The following MCUB variants were observed in gnomAD, a reference collection of about 807,000 sequenced individuals.
MCUB encodes the protein calcium uniporter regulatory subunit MCUb, mitochondrial.
In MCUB, 46 loss-of-function variants were observed where a neutral mutation model predicts 41.4. That is an observed-to-expected ratio of 1.11 (90% CI 0.88 to 1.42). MCUB has a LOEUF of 1.42. MCUB is among the 40% of genes most tolerant of loss of function. The pLI is 0.00. For missense variants in MCUB, 403 were observed against 404.9 expected (o/e 1.00, Z 0.04); for synonymous variants, 148 against 148.2 (o/e 1.00, Z 0.01).
At chr4:109,617,051 AACC>A (rs10610533) in intron 1 of MCUB, among the ~76,000 whole-genome samples, 37,175 of 151,892 alleles carry the variant, frequency 0.24, 4,718 homozygotes, top group South Asian at 0.27. Context: ...TCTTTGTCCT[AACC>A]ATATTGTTGT....
intron 1 of MCUB, among the ~76,000 whole-genome samples, chr4:109,654,206 C>A (rs1242310482): frequency 2.6e-5 from 4 of 152,008 alleles, no homozygotes; most frequent in Non-Finnish European, 4.4e-5. Flanking sequence ...TCTGCACTTA[C>A]CCTTTTCTGT....
intron 1 of MCUB, among the ~76,000 whole-genome samples, chr4:109,586,530 G>A (rs557822604): frequency 4.6e-5 from 7 of 152,282 alleles, no homozygotes; most frequent in East Asian, 3.9e-4. Context: ...AAGAGCAGAG[G>A]TGCTCTGATT....
At chr4:109,575,008 A>G (rs1033280448) in intron 1 of MCUB, among the ~76,000 whole-genome samples, 1 of 152,194 alleles carries the variant, frequency 6.6e-6, no homozygotes, top group Non-Finnish European at 1.5e-5. Flanking sequence ...GAGAAGCCAA[A>G]AAGTTAGCTT....
intron 1 of MCUB, among the ~76,000 whole-genome samples, chr4:109,603,753 C>T (rs1263447419): frequency 1.3e-5 from 2 of 151,662 alleles, no homozygotes; most frequent in Admixed American, 1.3e-4. Flanking sequence ...CCGGCAGCTG[C>T]CCCGTCTGGG....
At chr4:109,608,955 C>G (rs1223516994) in intron 1 of MCUB, among the ~76,000 whole-genome samples, 1 of 152,178 alleles carries the variant, frequency 6.6e-6, no homozygotes, top group Admixed American at 6.5e-5. Flanking sequence ...TGTGGTTCTT[C>G]AAGACTTGTA....
chr4:109,679,412 G>A (rs4698747), intron 4 of MCUB, among the ~76,000 whole-genome samples: 48,011 of 152,046 alleles, frequency 0.32, 7,820 homozygotes, highest in East Asian at 0.51. Context: ...TCGGGAGGCC[G>A]AGGCGGGCAG....
chr4:109,618,328 A>G (rs1728174533), intron 1 of MCUB, among the ~76,000 whole-genome samples: 3 of 152,154 alleles, frequency 2.0e-5, no homozygotes, highest in Admixed American at 2.0e-4. Context: ...ATTGTGAGTG[A>G]TATTCTAAGT....
intron 7 of MCUB, among the ~76,000 whole-genome samples, chr4:109,686,792 C>A (rs1024294390): frequency 6.6e-6 from 1 of 152,178 alleles, no homozygotes; most frequent in African/African-American, 2.4e-5. Flanking sequence ...AGGAAGATCC[C>A]TTGAACCCAA....
At chr4:109,604,717 A>T (rs528858918) in intron 1 of MCUB, among the ~76,000 whole-genome samples, 1 of 152,158 alleles carries the variant, frequency 6.6e-6, no homozygotes, top group African/African-American at 2.4e-5. Flanking sequence ...GAGAGTTTTT[A>T]TCATGAAAGG....
intron 1 of MCUB, among the ~76,000 whole-genome samples, chr4:109,611,405 A>G (rs958520515): frequency 6.6e-6 from 1 of 152,230 alleles, no homozygotes; most frequent in African/African-American, 2.4e-5. Flanking sequence ...TGTGAAAAGT[A>G]AAATGCTTCT....
chr4:109,609,757 C>T (rs1039705512), intron 1 of MCUB, among the ~76,000 whole-genome samples: 3 of 152,114 alleles, frequency 2.0e-5, no homozygotes, highest in Non-Finnish European at 4.4e-5. Flanking sequence ...GCCCAGTGCC[C>T]GCTGCAGCCA....
At chr4:109,642,895 T>A (rs1419849065) in intron 1 of MCUB, among the ~76,000 whole-genome samples, 3 of 9,350 alleles carry the variant, frequency 3.2e-4, no homozygotes, top group African/African-American at 3.8e-4. Flanking sequence ...TCAGCTAGAT[T>A]TTTTTTTTTT....
chr4:109,599,708 T>C (rs1011193984), intron 1 of MCUB, among the ~76,000 whole-genome samples: 2 of 152,078 alleles, frequency 1.3e-5, no homozygotes, highest in Admixed American at 1.3e-4. Flanking sequence ...TCTCGCTCTG[T>C]CGCCCAGGCT....
At chr4:109,580,031 C>A (rs1432135535) in intron 1 of MCUB, among the ~76,000 whole-genome samples, 1 of 152,026 alleles carries the variant, frequency 6.6e-6, no homozygotes, top group Non-Finnish European at 1.5e-5. Context: ...CCTCCCCTTG[C>A]CCCCCACCCC....
chr4:109,685,236 C>G lies in MCUB; in HGVS notation c.817-15C>G, dbSNP rs200145381. The G allele has an allele frequency of 7.5e-6, 7 of 928,706 alleles. No homozygotes were observed. The highest frequency in any genetic ancestry group is 1.1e-5 in the Non-Finnish European group (7 of 626,726). The allele number at this position is 928,706 out of a possible 1,614,324, so 57.5% of individuals were successfully genotyped here. A position where few individuals can be genotyped will look rare whatever the true frequency, so the allele number is the denominator to read the frequency against. On this transcript the variant is annotated splice_polypyrimidine_tract_variant and intron_variant, in intron 6 of 7. Coordinates refer to ENST00000394650, the MANE Select transcript of MCUB (RefSeq NM_017918.5). The stretch of plus-strand genomic sequence containing the variant: ...CAAAACATGTTGTTTTCTTCTCTCT[C>G]TCTTTTTTTTTAAGGATTATACTTA...
chr4:109,584,037 T>A (rs1276761262), intron 1 of MCUB, among the ~76,000 whole-genome samples: 1 of 152,212 alleles, frequency 6.6e-6, no homozygotes, highest in Non-Finnish European at 1.5e-5. Context: ...CCAGCTCTTC[T>A]TTGTACCTCT....
At position 109,566,219 on chromosome 4, in the gene MCUB, C is replaced by T. The variant is rs902354234; in HGVS notation, c.99+5783C>T. On this transcript the variant is annotated intron_variant, in intron 1 of 7. Coordinates refer to ENST00000394650, the MANE Select transcript of MCUB (RefSeq NM_017918.5). ...GCACAGTGGCTCACGCCTGTAATTC[C>T]AGCACTTTGGGAGGCCAAGGTGGGC... Among the ~76,000 whole-genome samples, 5 of 150,854 alleles carry T rather than the reference C, an allele frequency of 3.3e-5. No homozygotes were observed. The South Asian group carries it at 8.4e-4, about 25-fold the overall frequency.
At chr4:109,563,971 A>G (rs1029850985) in intron 1 of MCUB, among the ~76,000 whole-genome samples, 2 of 152,218 alleles carry the variant, frequency 1.3e-5, no homozygotes, top group Non-Finnish European at 2.9e-5. Context: ...TAAGATCCTC[A>G]GGAAGAACTC....
chr4:109,573,867 A>ATTTTT lies in MCUB; in HGVS notation c.99+13450_99+13454dup, dbSNP rs70954166. Among the ~76,000 whole-genome samples, 60 of 112,510 alleles carry ATTTTT rather than the reference A, an allele frequency of 5.3e-4. 1 individual carries two copies. Among genetic ancestry groups the ATTTTT allele is most frequent in the African/African-American group, 2.1e-3 (58 of 27,964 alleles). 73.8% of individuals were successfully genotyped at this position (112,510 alleles called of 152,430 possible). A position where few individuals can be genotyped will look rare whatever the true frequency, so the allele number is the denominator to read the frequency against. On this transcript the variant is annotated intron_variant, in intron 1 of 7. Coordinates refer to ENST00000394650, the MANE Select transcript of MCUB (RefSeq NM_017918.5). Reference sequence around the variant, plus strand: ...TGTAGGAGATGATTAAAAGGGTTGAATTTTTTTTTTTTTTTTTTTTTTTGA... The same window carrying ATTTTT: ...TGTAGGAGATGATTAAAAGGGTTGAATTTTTTTTTTTTTTTTTTTTTTTTTTTTGA...
Sources: gnomAD v4.1 joint callset for allele counts (sites outside exome capture counted in the v4.1 genomes callset) on GRCh38, gnomAD v4.1.1 for gene constraint, MANE v1.5 for transcripts, NCBI Gene and HGNC (gene_info 2026-07-23, HGNC 2026-07-21) for gene names.